The following GNAZ variants were observed in gnomAD, a reference collection of about 807,000 sequenced individuals.
GNAZ encodes the protein G protein subunit alpha z, also known as guanine nucleotide-binding protein G(z) subunit alpha.
Under a neutral mutation model 25.4 loss-of-function variants are expected in GNAZ, and 3 were observed. The ratio of observed to expected loss-of-function variants is 0.12; its 90% CI spans 0.05 to 0.30. The LOEUF (loss-of-function observed/expected upper bound fraction) is 0.30, where lower values mean the gene tolerates loss of function less well. Among genes scored for constraint, GNAZ ranks in the 10% least tolerant of loss-of-function variants. GNAZ has a pLI of 1.00. For missense variants in GNAZ, 241 were observed against 501.8 expected (o/e 0.48, Z 4.97); for synonymous variants, 211 against 205.7 (o/e 1.03, Z -0.22).
intron 1 of GNAZ, among the ~76,000 whole-genome samples, chr22:23,080,031 G>A (rs948753516): frequency 3.9e-5 from 6 of 152,164 alleles, no homozygotes; most frequent in African/African-American, 9.7e-5. Context: ...TTCCTTCCCT[G>A]GGGAAACTGG....
At chr22:23,110,578 A>G (rs1053097725) in intron 2 of GNAZ, among the ~76,000 whole-genome samples, 2 of 152,164 alleles carry the variant, frequency 1.3e-5, no homozygotes, top group Non-Finnish European at 2.9e-5. Context: ...CCACCACCTG[A>G]GCAGATGGGC....
rs546529002 is a variant in GNAZ, at chr22:23,097,506, G to A, written c.723+1088G>A. Among the ~76,000 whole-genome samples, 547 of 152,310 alleles carry A rather than the reference G, an allele frequency of 3.6e-3. 1 individual carries two copies. Among genetic ancestry groups the A allele is most frequent in the Non-Finnish European group, 6.5e-3 (444 of 68,014 alleles). On this transcript the variant is annotated intron_variant, in intron 2 of 2. Coordinates refer to ENST00000615612, the MANE Select transcript of GNAZ (RefSeq NM_002073.4). The stretch of plus-strand genomic sequence containing the variant: ...GCGGGCTTGCCTCCCTCCCCTCCTC[G>A]CATCAGGGGTCTCCCTGGAACTGTG...
rs139018617 is a variant in GNAZ at position 23,105,585 on chromosome 22, G to A, written c.723+9167G>A. ...CAAAGGCAAACCAGGCAAGGGTGTC[G>A]GCCTTGGGTTCCTGGGGATCCTCTG... On this transcript the variant is annotated intron_variant, in intron 2 of 2. Coordinates refer to ENST00000615612, the MANE Select transcript of GNAZ (RefSeq NM_002073.4). Among the ~76,000 whole-genome samples, 427 of 152,320 alleles carry A rather than the reference G, an allele frequency of 2.8e-3. 1 individual carries two copies. Among genetic ancestry groups the A allele is most frequent in the Non-Finnish European group, 5.2e-3 (357 of 68,028 alleles).
chr22:23,092,576 G>T (rs1024480951), intron 1 of GNAZ, among the ~76,000 whole-genome samples: 2 of 152,178 alleles, frequency 1.3e-5, no homozygotes, highest in Non-Finnish European at 1.5e-5. Flanking sequence ...TTGCTACCTG[G>T]CCTCAGTTTC....
chr22:23,103,194 T>C (rs1020065912), intron 2 of GNAZ, among the ~76,000 whole-genome samples: 6 of 152,212 alleles, frequency 3.9e-5, no homozygotes, highest in African/African-American at 1.4e-4. Flanking sequence ...GTTTGTGAGC[T>C]GTTTGACATT....
chr22:23,122,022 C>T (rs772607289), intron 2 of GNAZ, among the ~76,000 whole-genome samples: 2 of 152,168 alleles, frequency 1.3e-5, no homozygotes, highest in African/African-American at 4.8e-5. Flanking sequence ...TGAGCCACGG[C>T]GCCTGGCCAG....
At chr22:23,122,211 G>A (rs1181894116) in intron 2 of GNAZ, among the ~76,000 whole-genome samples, 1 of 152,230 alleles carries the variant, frequency 6.6e-6, no homozygotes, top group African/African-American at 2.4e-5. Context: ...GAACTGGGGA[G>A]TCAGACAAGA....
At chr22:23,090,304 A>C (rs1389047604) in intron 1 of GNAZ, among the ~76,000 whole-genome samples, 1 of 151,926 alleles carries the variant, frequency 6.6e-6, no homozygotes, top group Non-Finnish European at 1.5e-5. Flanking sequence ...GTTCCCACCC[A>C]GCCGCCACTC....
At chr22:23,082,581 A>T (rs1012786033) in intron 1 of GNAZ, among the ~76,000 whole-genome samples, 45 of 152,154 alleles carry the variant, frequency 3.0e-4, no homozygotes, top group African/African-American at 9.2e-4. Flanking sequence ...ATACTTGGAA[A>T]GGTTGTAAAC....
intron 1 of GNAZ, among the ~76,000 whole-genome samples, chr22:23,076,446 C>A (rs2068509553): frequency 6.6e-6 from 1 of 152,202 alleles, no homozygotes; most frequent in South Asian, 2.1e-4. Flanking sequence ...AGAACCCCTG[C>A]TCCAGCTCAA....
intron 2 of GNAZ, among the ~76,000 whole-genome samples, chr22:23,118,359 A>G (rs1460780974): frequency 6.6e-6 from 1 of 152,214 alleles, no homozygotes; most frequent in South Asian, 2.1e-4. Context: ...CCAGCCTCCT[A>G]GAAGGCGCCA....
chr22:23,118,475 C>G (rs868830992), intron 2 of GNAZ, among the ~76,000 whole-genome samples: 32 of 149,766 alleles, frequency 2.1e-4, no homozygotes, highest in Middle Eastern at 3.5e-3. Context: ...CTTCCCCGCC[C>G]CGCCCCACCC....
intron 2 of GNAZ, 147 bp downstream of exon 2, chr22:23,096,565 C>T: frequency 1.2e-6 from 1 of 820,828 alleles, no homozygotes. Flanking sequence ...TGAGGCAGCT[C>T]CAGCAAGGTG....
At chr22:23,072,474 T>C (rs528995715) in intron 1 of GNAZ, among the ~76,000 whole-genome samples, 43 of 152,314 alleles carry the variant, frequency 2.8e-4, no homozygotes, top group Admixed American at 1.6e-3. Flanking sequence ...TTTCTCCCCC[T>C]CGGAAATTGG....
chr22:23,084,360 T>G (rs2068760101), intron 1 of GNAZ, among the ~76,000 whole-genome samples: 1 of 152,212 alleles, frequency 6.6e-6, no homozygotes, highest in African/African-American at 2.4e-5. Context: ...GATTCTTTTG[T>G]CTACCTGCAG....
intron 1 of GNAZ, among the ~76,000 whole-genome samples, chr22:23,072,018 A>G (rs1321334727): frequency 1.3e-5 from 2 of 152,092 alleles, no homozygotes; most frequent in African/African-American, 4.8e-5. Context: ...CGGCTTCCTC[A>G]TCTGTAAAAG....
intron 1 of GNAZ, among the ~76,000 whole-genome samples, chr22:23,083,804 A>T (rs532879127): frequency 6.6e-6 from 1 of 152,326 alleles, no homozygotes; most frequent in South Asian, 2.1e-4. Context: ...CCAGCGGCAC[A>T]CCACACCTGT....
At chr22:23,072,061 G>A (rs1170903686) in intron 1 of GNAZ, among the ~76,000 whole-genome samples, 1 of 152,110 alleles carries the variant, frequency 6.6e-6, no homozygotes, top group Non-Finnish European at 1.5e-5. Context: ...GAGCTGGGGT[G>A]GGCCTGGAGA....
chr22:23,090,455 G>C (rs1398219616), intron 1 of GNAZ, among the ~76,000 whole-genome samples: 1 of 152,150 alleles, frequency 6.6e-6, no homozygotes, highest in African/African-American at 2.4e-5. Context: ...TCTGGCTTCA[G>C]CGCAGCAGCC....
Sources: gnomAD v4.1 joint callset for allele counts (sites outside exome capture counted in the v4.1 genomes callset) on GRCh38, gnomAD v4.1.1 for gene constraint, MANE v1.5 for transcripts, NCBI Gene and HGNC (gene_info 2026-07-23, HGNC 2026-07-21) for gene names.